Variants in SEMA3A observed in about 807,000 individuals in gnomAD.
SEMA3A encodes the protein semaphorin-3A.
A neutral mutation model predicts 97.9 loss-of-function variants in SEMA3A; 29 were observed. That is an observed-to-expected ratio of 0.30 (90% CI 0.22 to 0.40). The LOEUF (loss-of-function observed/expected upper bound fraction) is 0.40. Ranked by LOEUF, SEMA3A falls within the 10% of genes least tolerant of loss-of-function variation. SEMA3A has a pLI of 1.00. For missense variants in SEMA3A, 763 were observed against 951.3 expected (o/e 0.80, Z 2.60); for synonymous variants, 321 against 323.7 (o/e 0.99, Z 0.09).
In SEMA3A at chr7:84,345,149, T is replaced by C. The variant is rs117062714; in HGVS notation, c.-169+26675A>G. Among the ~76,000 whole-genome samples, 2,206 of 152,274 alleles carry C rather than the reference T, an allele frequency of 0.014. 93 individuals are homozygous for C. In the East Asian group the frequency reaches 0.15, roughly 10 times the overall value. On this transcript the variant is annotated intron_variant, in intron 2 of 3. Transcript: ENST00000424555. ...GAGCTCTTTGTTTTCCCAGTGCATA[T>C]AAAAGTTATGTTTACACTATACTGT...
chr7:84,119,424 C>G (rs1032366462), intron 3 of SEMA3A, among the ~76,000 whole-genome samples: 1 of 152,100 alleles, frequency 6.6e-6, no homozygotes, highest in East Asian at 1.9e-4. Flanking sequence ...ATGCTACCAA[C>G]TAAAAAGTCC....
At position 84,457,377 on chromosome 7, in the gene SEMA3A, G is replaced by T. The variant is rs180681911; in HGVS notation, c.-246+35083C>A. Among the ~76,000 whole-genome samples the T allele has an allele frequency of 1.2e-3, 179 of 151,976 alleles. 5 individuals are homozygous for T. Among genetic ancestry groups the T allele is most frequent in the Admixed American group, 0.01 (158 of 15,268 alleles). ...ATGCAGAGCAAACTCCTTGGAAGTTGTTAGTATTAGGTAAGGGGCTGCAGT... is the reference window on the plus strand; with the variant it reads ...ATGCAGAGCAAACTCCTTGGAAGTTTTTAGTATTAGGTAAGGGGCTGCAGT... On this transcript the variant is annotated intron_variant, in intron 1 of 3. Transcript: ENST00000424555.
At chr7:84,136,992 GGAA>G (rs1796148869) in intron 1 of SEMA3A, among the ~76,000 whole-genome samples, 1 of 150,862 alleles carries the variant, frequency 6.6e-6, no homozygotes, top group African/African-American at 2.5e-5. Context: ...AAGGAAGGAA[GGAA>G]GGAAGGAAGG....
At position 84,310,178 on chromosome 7, in the gene SEMA3A, G is replaced by A. The variant is rs113240145; in HGVS notation, c.-168-2886C>T. 3.3e-5 allele frequency among the ~76,000 whole-genome samples: 5 copies of A among 152,038 alleles called. 1 individual carries two copies. The highest frequency in any genetic ancestry group is 1.2e-4 in the African/African-American group (5 of 41,480). On this transcript the variant is annotated intron_variant, in intron 2 of 3. Transcript: ENST00000424555. ...TGCTGGTTGAAAATATCACTCTAAT[G>A]CACAGAATATTGTTGAATTCAGTAG...
chr7:84,036,637 T>G (rs1253741557), intron 6 of SEMA3A, among the ~76,000 whole-genome samples: 8 of 151,968 alleles, frequency 5.3e-5, no homozygotes, highest in Admixed American at 3.9e-4. Context: ...AATCAAAAAT[T>G]TAAAAAGAAA....
chr7:83,968,751 C>A (rs1228286328), intron 15 of SEMA3A, among the ~76,000 whole-genome samples: 2 of 149,766 alleles, frequency 1.3e-5, no homozygotes, highest in African/African-American at 4.9e-5. Flanking sequence ...AAATTTTAGA[C>A]AGTGAAATAT....
intron 3 of SEMA3A, among the ~76,000 whole-genome samples, chr7:84,128,918 A>C (rs1795876661): frequency 6.6e-6 from 1 of 152,152 alleles, no homozygotes; most frequent in African/African-American, 2.4e-5. Flanking sequence ...CCTTTAGGCT[A>C]TGGTTATACT....
intron 1 of SEMA3A, among the ~76,000 whole-genome samples, chr7:84,142,020 T>C (rs955416989): frequency 6.6e-6 from 1 of 152,202 alleles, no homozygotes; most frequent in African/African-American, 2.4e-5. Flanking sequence ...ACAAGTGTCC[T>C]AGGCCATGTT....
At chr7:84,260,628 T>A (rs1214620768) in intron 3 of SEMA3A, among the ~76,000 whole-genome samples, 2 of 148,508 alleles carry the variant, frequency 1.3e-5, no homozygotes, top group African/African-American at 4.9e-5. Context: ...TGCAACACAG[T>A]TGGATGTGAG....
chr7:83,964,954 G>A (rs1788612348), intron 15 of SEMA3A, among the ~76,000 whole-genome samples: 1 of 152,122 alleles, frequency 6.6e-6, no homozygotes, highest in Admixed American at 6.5e-5. Context: ...GGATACAGGT[G>A]AATTTAATTG....
intron 2 of SEMA3A, among the ~76,000 whole-genome samples, chr7:84,339,958 A>G (rs1206094589): frequency 1.3e-5 from 2 of 152,132 alleles, no homozygotes; most frequent in East Asian, 1.9e-4. Flanking sequence ...AAATCATCAC[A>G]TAGAAGATTT....
At chr7:84,039,173 C>G (rs1421556502) in intron 6 of SEMA3A, among the ~76,000 whole-genome samples, 1 of 152,066 alleles carries the variant, frequency 6.6e-6, no homozygotes, top group Non-Finnish European at 1.5e-5. Flanking sequence ...AGATACTGTT[C>G]TAATTACCCT....
chr7:84,240,613 T>C (rs1043602639), intron 3 of SEMA3A, among the ~76,000 whole-genome samples: 9 of 152,146 alleles, frequency 5.9e-5, no homozygotes, highest in Non-Finnish European at 1.2e-4. Context: ...AGCTAACACA[T>C]TGATTGGATC....
In SEMA3A at chr7:84,464,136, A is replaced by G. The variant is rs117138510; in HGVS notation, c.-246+28324T>C. ...TCCTTTTAAGCTCAGGAGAGACAGA[A>G]AACAGAAATTAACACAAATAACAGT... On this transcript the variant is annotated intron_variant, in intron 1 of 3. Coordinates refer to the SEMA3A transcript ENST00000424555. Among the ~76,000 whole-genome samples, 229 of 152,348 alleles carry G rather than the reference A, an allele frequency of 1.5e-3. 1 individual carries two copies. In the East Asian group the frequency reaches 0.038, roughly 25 times the overall value.
intron 3 of SEMA3A, among the ~76,000 whole-genome samples, chr7:84,113,448 A>G (rs1795332984): frequency 6.6e-6 from 1 of 152,202 alleles, no homozygotes. Context: ...AGTGTGGCAG[A>G]AAAAGGAAAC....
intron 4 of SEMA3A, among the ~76,000 whole-genome samples, chr7:84,067,129 G>C (rs1350508659): frequency 2.6e-5 from 4 of 152,078 alleles, no homozygotes; most frequent in African/African-American, 4.8e-5. Context: ...ATATCTACAA[G>C]TATCTGTTCT....
chr7:84,093,375 A>G (rs7804363), intron 4 of SEMA3A, among the ~76,000 whole-genome samples: 62,787 of 151,998 alleles, frequency 0.41, 14,836 homozygotes, highest in Admixed American at 0.52. Context: ...TGCCATGAGA[A>G]CATACATAAT....
At chr7:84,187,489 G>A (rs1218194683) in intron 1 of SEMA3A, among the ~76,000 whole-genome samples, 1 of 152,006 alleles carries the variant, frequency 6.6e-6, no homozygotes, top group Non-Finnish European at 1.5e-5. Flanking sequence ...TCTCTTAGCT[G>A]CAGACTAACA....
intron 2 of SEMA3A, among the ~76,000 whole-genome samples, chr7:84,362,243 A>G (rs16887700): frequency 0.085 from 12,979 of 151,988 alleles, 556 homozygotes; most frequent in East Asian, 0.13. Flanking sequence ...ATAACCTTGA[A>G]TAAATTCTTA....
Sources: allele counts gnomAD v4.1 joint callset (sites outside exome capture counted in the v4.1 genomes callset), GRCh38; gene constraint gnomAD v4.1.1; transcripts MANE v1.5; gene names NCBI Gene and HGNC (gene_info 2026-07-23, HGNC 2026-07-21).